Variants in ARL17A observed in about 807,000 individuals in gnomAD.
ARL17A encodes ADP-ribosylation factor-like 17-like.
At chr17:46,534,079 A>C (rs1262479997) in intron 4 of ARL17A, among the ~76,000 whole-genome samples, 1 of 135,436 alleles carries the variant, frequency 7.4e-6, no homozygotes, top group Non-Finnish European at 1.5e-5. Flanking sequence ...TGGTGCAACC[A>C]CTCACAACGT....
At chr17:46,551,000 G>A (rs1466324394), downstream of ARL17A, among the ~76,000 whole-genome samples, 1 of 149,762 alleles carries the variant, frequency 6.7e-6, no homozygotes, top group Non-Finnish European at 1.5e-5. Context: ...GTAAGGCATT[G>A]TCTAAATAGG....
chr17:46,537,075 CAATTTTTTTT>C (rs1272160808), intron 4 of ARL17A, among the ~76,000 whole-genome samples: 9 of 1,710 alleles, frequency 5.3e-3, no homozygotes, highest in Non-Finnish European at 0.029. Context: ...TTATTGTGGT[CAATTTTTTTT>C]TTTTTTTTTT....
At chr17:46,504,953 G>GATTTATTAATTA in the ARL17A span, among the ~76,000 whole-genome samples, 1 of 102,028 alleles carries the variant, frequency 9.8e-6, no homozygotes, top group Non-Finnish European at 1.9e-5. Context: ...AACTAATTTT[G>GATTTATTAATTA]AGAGAGAGTC....
chr17:46,534,523 T>C (rs1407178043), intron 4 of ARL17A, among the ~76,000 whole-genome samples: 4 of 148,012 alleles, frequency 2.7e-5, no homozygotes, highest in Admixed American at 6.6e-5. Context: ...GGTAAGGTCA[T>C]AGATCAACAG....
chr17:46,521,804 G>A (rs2052325118), intron 3 of ARL17A, among the ~76,000 whole-genome samples: 1 of 45,160 alleles, frequency 2.2e-5, no homozygotes, highest in African/African-American at 8.6e-5. Flanking sequence ...TTCAAGGAAT[G>A]CCATGAGTAC....
At chr17:46,542,424 C>T (rs4617906) in intron 3 of ARL17A, among the ~76,000 whole-genome samples, 1 of 147,612 alleles carries the variant, frequency 6.8e-6, no homozygotes, top group Non-Finnish European at 1.5e-5. Flanking sequence ...AGGCTGGTCT[C>T]GGACTCCTGG....
At chr17:46,503,160 C>T in the ARL17A span, among the ~76,000 whole-genome samples, 3 of 143,536 alleles carry the variant, frequency 2.1e-5, no homozygotes, top group Non-Finnish European at 3.0e-5. Flanking sequence ...TGCAGTGAGC[C>T]GAGATCATGC....
At chr17:46,518,198 A>G (rs1433305653) in intron 3 of ARL17A, among the ~76,000 whole-genome samples, 2 of 150,186 alleles carry the variant, frequency 1.3e-5, no homozygotes, top group Non-Finnish European at 2.9e-5. Flanking sequence ...AAAGGGTAAC[A>G]TCTTGCAACT....
At chr17:46,534,592 CTTCT>C (rs1179371462) in intron 4 of ARL17A, among the ~76,000 whole-genome samples, 2 of 148,064 alleles carry the variant, frequency 1.4e-5, no homozygotes, top group Non-Finnish European at 3.0e-5. Flanking sequence ...TCTATGTCTA[CTTCT>C]TTCTACACAG....
intron 4 of ARL17A, chr17:46,528,895 C>T (rs1318050195): frequency 1.5e-6 from 1 of 666,298 alleles, no homozygotes; most frequent in Non-Finnish European, 2.7e-6. Flanking sequence ...GTTACTTTCT[C>T]CCCAAGTACA....
At chr17:46,569,366 C>T (rs1346718827) in intron 3 of ARL17A, among the ~76,000 whole-genome samples, 2 of 149,982 alleles carry the variant, frequency 1.3e-5, no homozygotes, top group African/African-American at 5.0e-5. Context: ...TATATATATG[C>T]CTTATCAGTT....
In ARL17A at chr17:46,534,197, G is replaced by GT. The variant is rs1555646672; in HGVS notation, c.335+4153dup. Among the ~76,000 whole-genome samples the GT allele has an allele frequency of 3.0e-3, 451 of 148,816 alleles. 10 individuals carry two copies. The highest frequency in any genetic ancestry group is 0.019 in the South Asian group (88 of 4,722). On this transcript the variant is annotated intron_variant, in intron 4 of 4. Coordinates refer to the ARL17A transcript ENST00000329240. ...CCCAGTTTTTTTTGTTTTTGTTTTT[G>GT]TTTTTTTTAATTTTTTTTTATTGAT...
downstream of ARL17A, chr17:46,548,819 C>T (rs372793996): frequency 2.1e-5 from 34 of 1,612,006 alleles, 1 homozygote; most frequent in Middle Eastern, 1.7e-4. Context: ...GAGAAGTTAG[C>T]GGGAAACGCC....
chr17:46,525,535 C>T (rs1411308495), downstream of ARL17A, among the ~76,000 whole-genome samples: 4 of 111,130 alleles, frequency 3.6e-5, no homozygotes, highest in East Asian at 2.5e-4. Context: ...TGCAGTGAGC[C>T]GAGATGGCAC....
chr17:46,559,046 G>A (rs1265858672), intron 3 of ARL17A: 4 of 80,474 alleles, frequency 5.0e-5, no homozygotes, highest in African/African-American at 2.7e-4. Flanking sequence ...AAGCAGAGGT[G>A]CCCTGGCATC....
chr17:46,527,744 G>A (rs1302201445), downstream of ARL17A, among the ~76,000 whole-genome samples: 576 of 24,572 alleles, frequency 0.023, no homozygotes, highest in Middle Eastern at 0.081. Context: ...TAACATGTCC[G>A]AAGTTCTTAG....
At chr17:46,551,455 A>T (rs1200972841), downstream of ARL17A, among the ~76,000 whole-genome samples, 1 of 147,980 alleles carries the variant, frequency 6.8e-6, no homozygotes, top group African/African-American at 2.6e-5. Flanking sequence ...CCCCTCACCA[A>T]ACCCCAGTCA....
At chr17:46,558,961 A>T (rs62073359) in intron 3 of ARL17A, 1 of 96,252 alleles carries the variant, frequency 1.0e-5, no homozygotes, top group African/African-American at 4.9e-5. Flanking sequence ...TACAGGTGGG[A>T]GTCCCCGCGC....
At position 46,557,225 on chromosome 17, in the gene ARL17A, G is replaced by A. The variant is rs1477384425; in HGVS notation, c.*131C>T. On this transcript the variant is annotated 3_prime_UTR_variant, in exon 4 of 4. Transcript: ENST00000336125. ...TTTCTTCTTATGTTACACTACCCCA[G>A]ATAGGAAAACAGAAATTACTCTAGA... is the stretch of plus-strand genomic sequence containing the variant. 1 of 543,572 alleles carries A rather than the reference G, an allele frequency of 1.8e-6. No individual in the cohort carries two copies. Among genetic ancestry groups the A allele is most frequent in the Non-Finnish European group, 3.2e-6 (1 of 312,986 alleles). 33.7% of individuals were successfully genotyped at this position (543,572 alleles called of 1,614,324 possible).
Sources: allele counts gnomAD v4.1 joint callset (sites outside exome capture counted in the v4.1 genomes callset), GRCh38; gene constraint gnomAD v4.1.1; transcripts MANE v1.5; gene names NCBI Gene and HGNC (gene_info 2026-07-23, HGNC 2026-07-21).